The following TNFSF4 variants were observed in gnomAD, a reference collection of about 807,000 sequenced individuals.
TNFSF4 encodes the protein tumor necrosis factor ligand superfamily member 4.
In TNFSF4, 4 loss-of-function variants were observed where a neutral mutation model predicts 7.3. The observed-to-expected ratio is 0.55, with a 90% CI of 0.27 to 1.25. The LOEUF is 1.25. Ranked by LOEUF, TNFSF4 falls within the 50% of genes most tolerant of loss-of-function variation. The pLI is 0.12. For synonymous variants in TNFSF4, 76 were observed against 83.7 expected (o/e 0.91, Z 0.50); for missense variants, 181 against 208.8 (o/e 0.87, Z 0.82).
the TNFSF4 span, among the ~76,000 whole-genome samples, chr1:173,257,801 G>A: frequency 6.6e-6 from 1 of 152,136 alleles, no homozygotes; most frequent in Non-Finnish European, 1.5e-5. Flanking sequence ...TTGACGTCCA[G>A]AGTTTTATTG....
intron 1 of TNFSF4, among the ~76,000 whole-genome samples, chr1:173,204,924 A>C (rs3980352): frequency 0.19 from 25,188 of 131,490 alleles, 2,925 homozygotes; most frequent in African/African-American, 0.34. Context: ...CACACACACA[A>C]ACACACACAC....
At chr1:173,328,538 C>A in the TNFSF4 span, among the ~76,000 whole-genome samples, 3 of 149,036 alleles carry the variant, frequency 2.0e-5, no homozygotes, top group East Asian at 3.9e-4. Flanking sequence ...AGTTTATCTT[C>A]GTAATAAAAA....
chr1:173,313,194 A>G, the TNFSF4 span, among the ~76,000 whole-genome samples: 1 of 152,158 alleles, frequency 6.6e-6, no homozygotes, highest in Non-Finnish European at 1.5e-5. Context: ...CATTAAGGAT[A>G]TCAAGTCATT....
chr1:173,250,891 A>G, the TNFSF4 span, among the ~76,000 whole-genome samples: 1 of 152,210 alleles, frequency 6.6e-6, no homozygotes, highest in African/African-American at 2.4e-5. Context: ...CTCACCAGAA[A>G]TAATATAACT....
the TNFSF4 span, among the ~76,000 whole-genome samples, chr1:173,383,141 T>A: frequency 3.0e-4 from 46 of 152,220 alleles, 2 homozygotes; most frequent in South Asian, 9.3e-3. Context: ...GGGATCTAAT[T>A]AGCTGCTAGT....
intron 1 of TNFSF4, among the ~76,000 whole-genome samples, chr1:173,189,638 C>G (rs1649389083): frequency 6.6e-6 from 1 of 151,854 alleles, no homozygotes; most frequent in African/African-American, 2.4e-5. Flanking sequence ...TCCGAGATCT[C>G]TTAAGTAAAA....
the TNFSF4 span, among the ~76,000 whole-genome samples, chr1:173,300,013 G>A: frequency 5.3e-4 from 81 of 151,582 alleles, 1 homozygote; most frequent in Middle Eastern, 0.014. Context: ...CATATTTTAC[G>A]GATTTTTTAT....
the TNFSF4 span, among the ~76,000 whole-genome samples, chr1:173,333,549 G>A: frequency 0.49 from 74,201 of 151,682 alleles, 18,689 homozygotes; most frequent in African/African-American, 0.6. Flanking sequence ...TGGGGCCCCC[G>A]TGATGGGAAT....
At chr1:173,233,498 G>T in the TNFSF4 span, among the ~76,000 whole-genome samples, 1 of 151,828 alleles carries the variant, frequency 6.6e-6, no homozygotes, top group Non-Finnish European at 1.5e-5. Flanking sequence ...GATACTCCTC[G>T]AGAAAAGCAA....
the TNFSF4 span, among the ~76,000 whole-genome samples, chr1:173,401,301 C>T: frequency 1.3e-5 from 2 of 152,102 alleles, no homozygotes; most frequent in African/African-American, 2.4e-5. Flanking sequence ...TCAGGAGGCA[C>T]GTATGAGTAT....
intron 1 of TNFSF4, among the ~76,000 whole-genome samples, chr1:173,205,021 CCTT>C (rs1650122441): frequency 6.6e-6 from 1 of 151,988 alleles, no homozygotes. Context: ...TCTATGCTAT[CCTT>C]CTCATAATGA....
the TNFSF4 span, among the ~76,000 whole-genome samples, chr1:173,409,202 T>C: frequency 2.0e-5 from 3 of 152,106 alleles, no homozygotes; most frequent in African/African-American, 7.2e-5. Flanking sequence ...TCTACTAAAA[T>C]GTGAAGGTCA....
the TNFSF4 span, among the ~76,000 whole-genome samples, chr1:173,258,392 G>A: frequency 1.1e-4 from 16 of 152,086 alleles, no homozygotes; most frequent in Admixed American, 4.6e-4. Context: ...GGCAAGGGGA[G>A]CTCTCATCCC....
chr1:173,419,914 G>T, the TNFSF4 span, among the ~76,000 whole-genome samples: 3 of 151,924 alleles, frequency 2.0e-5, no homozygotes, highest in African/African-American at 7.3e-5. Context: ...GCGGGGGGGG[G>T]GATGAGAGGC....
chr1:173,298,044 GA>G, the TNFSF4 span, among the ~76,000 whole-genome samples: 1 of 151,936 alleles, frequency 6.6e-6, no homozygotes, highest in Admixed American at 6.6e-5. Context: ...CCTGAAGGCT[GA>G]TCACTTACTT....
the TNFSF4 span, among the ~76,000 whole-genome samples, chr1:173,420,906 T>C: frequency 2.6e-5 from 4 of 152,214 alleles, no homozygotes; most frequent in East Asian, 5.8e-4. Context: ...GTATGGCCAA[T>C]TGTCATTTAA....
chr1:173,235,797 G>C, the TNFSF4 span, among the ~76,000 whole-genome samples: 1 of 152,244 alleles, frequency 6.6e-6, no homozygotes, highest in South Asian at 2.1e-4. Flanking sequence ...AAATTTTTAA[G>C]TGTACAATAA....
chr1:173,228,878 G>GA, the TNFSF4 span, among the ~76,000 whole-genome samples: 1 of 152,106 alleles, frequency 6.6e-6, no homozygotes, highest in African/African-American at 2.4e-5. Flanking sequence ...GAAGTTTAGA[G>GA]AAAAAAGAGT....
At chr1:173,438,002 G>T in the TNFSF4 span, among the ~76,000 whole-genome samples, 2 of 152,054 alleles carry the variant, frequency 1.3e-5, no homozygotes, top group South Asian at 2.1e-4. Flanking sequence ...TATTGGAATT[G>T]CACTAAACTT....
Sources: gnomAD v4.1 joint callset for allele counts (sites outside exome capture counted in the v4.1 genomes callset) on GRCh38, gnomAD v4.1.1 for gene constraint, MANE v1.5 for transcripts, NCBI Gene and HGNC (gene_info 2026-07-23, HGNC 2026-07-21) for gene names.